A4GALT: variants seen among roughly 807,000 people sequenced by gnomAD.
A4GALT encodes the protein lactosylceramide 4-alpha-galactosyltransferase.
For synonymous variants in A4GALT, 257 were observed against 220.7 expected, an observed-to-expected ratio of 1.16 and a Z score of -1.46; for missense variants, 512 against 486.0, an observed-to-expected ratio of 1.05 and a Z score of -0.50.
intron 1 of A4GALT, among the ~76,000 whole-genome samples, chr22:42,710,349 C>T (rs879558170): frequency 1.5e-4 from 23 of 152,052 alleles, no homozygotes; most frequent in East Asian, 7.7e-4. Context: ...GAGAAGACCC[C>T]GCTTACAACA....
In A4GALT at chr22:42,713,069, A is replaced by G. The variant is rs80071687; in HGVS notation, c.-188+7728T>C. Among the ~76,000 whole-genome samples, 162 of 152,220 alleles carry G rather than the reference A, an allele frequency of 1.1e-3. 3 individuals carry two copies. In the East Asian group the frequency reaches 0.016, roughly 15 times the overall value. On this transcript the variant is annotated intron_variant, in intron 1 of 2. Coordinates refer to ENST00000642412, the MANE Select transcript of A4GALT (RefSeq NM_017436.7). ...CACCCTGCTCTGTAGCCTCCCCCTC[A>G]ATTCTAAGCCTCAGTTTCTTCATCT... is the stretch of plus-strand genomic sequence containing the variant.
At chr22:42,694,969 T>C (rs1930821682) in intron 2 of A4GALT, 1 of 151,208 alleles carries the variant, frequency 6.6e-6, no homozygotes, top group African/African-American at 2.4e-5. Context: ...GATGAGGAAA[T>C]TGAGGCACAG....
intron 1 of A4GALT, among the ~76,000 whole-genome samples, chr22:42,696,158 C>G (rs376738909): frequency 1.1e-4 from 16 of 141,730 alleles, no homozygotes; most frequent in Non-Finnish European, 1.7e-4. Flanking sequence ...CGGTAGCTCA[C>G]GCCTGTAATC....
intron 1 of A4GALT, among the ~76,000 whole-genome samples, chr22:42,719,544 T>C (rs1037344429): frequency 2.0e-5 from 3 of 152,162 alleles, no homozygotes; most frequent in African/African-American, 7.2e-5. Context: ...TGTATTCCTT[T>C]GATTTGGGGA....
rs1213031870 is a variant in A4GALT at position 42,692,770 on chromosome 22, C to G, written c.*120G>C. The stretch of plus-strand genomic sequence containing the variant: ...GCCTGCTCCCACAGCTCCTCAACAG[C>G]CTGCCTAAGCCCGGTGGCAGCTCGG... On this transcript the variant is annotated 3_prime_UTR_variant, in exon 3 of 3. Transcript: ENST00000642412. The surrounding 1 kb of genome is among the most constrained non-coding windows in gnomAD (Gnocchi z 4.6). 5.0e-6 allele frequency: 6 copies of G among 1,207,290 alleles called. No individual in the cohort carries two copies. The highest frequency in any genetic ancestry group is 7.1e-6 in the Non-Finnish European group (6 of 843,174). The allele number at this position is 1,207,290 out of a possible 1,614,324, so 74.8% of individuals were successfully genotyped here. A position where few individuals can be genotyped will look rare whatever the true frequency, so the allele number is the denominator to read the frequency against.
At chr22:42,710,082 A>G (rs1921545273) in intron 1 of A4GALT, among the ~76,000 whole-genome samples, 1 of 152,174 alleles carries the variant, frequency 6.6e-6, no homozygotes, top group Non-Finnish European at 1.5e-5. Context: ...ACAGTTTCAT[A>G]CCTGGGCACT....
At chr22:42,716,931 C>G (rs1922235702) in intron 1 of A4GALT, among the ~76,000 whole-genome samples, 1 of 152,250 alleles carries the variant, frequency 6.6e-6, no homozygotes, top group Admixed American at 6.5e-5. Context: ...GTTTCGCTCT[C>G]ATGTGCTGGT....
intron 1 of A4GALT, among the ~76,000 whole-genome samples, chr22:42,702,299 C>CA (rs112656818): frequency 0.031 from 4,669 of 151,344 alleles, 221 homozygotes; most frequent in African/African-American, 0.1. Flanking sequence ...CTTGTGTCCC[C>CA]CCCCGGAAAA....
At chr22:42,717,242 CAG>C (rs1922268297) in intron 1 of A4GALT, among the ~76,000 whole-genome samples, 1 of 152,184 alleles carries the variant, frequency 6.6e-6, no homozygotes, top group Non-Finnish European at 1.5e-5. Context: ...CTACAAGAAA[CAG>C]AGCCTCGGAG....
intron 1 of A4GALT, among the ~76,000 whole-genome samples, chr22:42,697,394 A>G (rs1036709231): frequency 1.2e-4 from 18 of 151,966 alleles, no homozygotes; most frequent in Admixed American, 2.0e-4. Context: ...TTTCTTCTGC[A>G]GGGAGAGGGG....
rs142233464 is a variant in A4GALT at position 42,700,055 on chromosome 22, G to A, written c.-187-4424C>T. The stretch of plus-strand genomic sequence containing the variant: ...CAGGGGCCTACACCAACACTGGCCC[G>A]CAGTGGGTCACTGGGGATGGGCTGC... On this transcript the variant is annotated intron_variant, in intron 1 of 2. Coordinates refer to ENST00000642412, the MANE Select transcript of A4GALT (RefSeq NM_017436.7). Among the ~76,000 whole-genome samples, 455 of 152,350 alleles carry A rather than the reference G, an allele frequency of 3.0e-3. 1 individual carries two copies. Among genetic ancestry groups the A allele is most frequent in the African/African-American group, 0.01 (429 of 41,586 alleles).
Position 42,693,708 on chromosome 22 carries a change from GGAA to G in A4GALT, c.241_243del (p.Phe81del), listed in dbSNP as rs387906279. The G allele has an allele frequency of 5.5e-5, 77 of 1,405,400 alleles. No individual in the cohort carries two copies. Among genetic ancestry groups the G allele is most frequent in the Middle Eastern group, 2.0e-4 (1 of 5,030 alleles). 87.1% of individuals were successfully genotyped at this position (1,405,400 alleles called of 1,614,324 possible). A position where few individuals can be genotyped will look rare whatever the true frequency, so the allele number is the denominator to read the frequency against. On this transcript the variant is annotated inframe_deletion, in exon 3 of 3. Coordinates refer to ENST00000642412, the MANE Select transcript of A4GALT (RefSeq NM_017436.7). ...GGGTTGGTCCGGTCTGAAGTCTCCA[GGAA>G]GAAGATGTTGCCTGGAGTGGGGCCG...
chr22:42,720,851 C>T lies in A4GALT; in HGVS notation c.-242G>A, dbSNP rs1922674533. On this transcript the variant is annotated 5_prime_UTR_variant, in exon 1 of 3. Transcript: ENST00000642412. The stretch of plus-strand genomic sequence containing the variant: ...CAGCGGGGCCCCGGCGGGCGGGCGG[C>T]GCGGCGGCCGGAGGGCAGTGCCTGG... 1 of 146,118 alleles carries T rather than the reference C, an allele frequency of 6.8e-6. No homozygotes were observed. Among genetic ancestry groups the T allele is most frequent in the Non-Finnish European group, 1.5e-5 (1 of 65,794 alleles). 9.1% of individuals were successfully genotyped at this position (146,118 alleles called of 1,614,324 possible). A position where few individuals can be genotyped will look rare whatever the true frequency, so the allele number is the denominator to read the frequency against.
chr22:42,712,953 C>A (rs868440719), intron 1 of A4GALT, among the ~76,000 whole-genome samples: 1 of 152,134 alleles, frequency 6.6e-6, no homozygotes, highest in Non-Finnish European at 1.5e-5. Context: ...CATTCTCCCC[C>A]CGCTCCCCCA....
chr22:42,710,696 C>T (rs906729320), intron 1 of A4GALT, among the ~76,000 whole-genome samples: 3 of 104,738 alleles, frequency 2.9e-5, no homozygotes, highest in Admixed American at 9.7e-5. Context: ...GACTCCAGCT[C>T]GAAATAAATA....
Position 42,693,596 on chromosome 22 carries a change from C to T in A4GALT, c.356G>A (p.Gly119Asp). Residue 119 changes from glycine to aspartate, a missense_variant, in exon 3 of 3, where the codon GGT (glycine) becomes GAT (aspartate). Physicochemically the swap from Gly to Asp is moderately conservative, Grantham distance 94 (BLOSUM62 -1). Coordinates refer to ENST00000642412, the MANE Select transcript of A4GALT (RefSeq NM_017436.7). ...HVLVLMKGLPGGNASLPRHLG... is the reference protein window; with the variant it reads ...HVLVLMKGLPDGNASLPRHLG... ...GTGCCGGGGCAGAGAGGCGTTGCCA[C>T]CCGGAAGCCCTTTCATCAGGACCAG... 1 of 1,613,612 alleles carries T rather than the reference C, an allele frequency of 6.2e-7. No individual in the cohort carries two copies. Among genetic ancestry groups the T allele is most frequent in the South Asian group, 1.1e-5 (1 of 91,062 alleles).
In A4GALT at chr22:42,717,244, G is replaced by C. The variant is rs1352932870; in HGVS notation, c.-188+3553C>G. 3.9e-5 allele frequency among the ~76,000 whole-genome samples: 6 copies of C among 152,162 alleles called. No individual in the cohort carries two copies. In the East Asian group the frequency reaches 1.2e-3, roughly 29 times the overall value. On this transcript the variant is annotated intron_variant, in intron 1 of 2. Coordinates refer to ENST00000642412, the MANE Select transcript of A4GALT (RefSeq NM_017436.7). ...CACTTCCTGATAGCTACAAGAAACA[G>C]AGCCTCGGAGAGAAGAGCAATTCCC... is the stretch of plus-strand genomic sequence containing the variant.
intron 1 of A4GALT, among the ~76,000 whole-genome samples, chr22:42,719,501 T>A (rs905738302): frequency 8.4e-6 from 1 of 119,096 alleles, no homozygotes; most frequent in Admixed American, 8.8e-5. Flanking sequence ...ATCTCTCCTC[T>A]TCCTTTCTTT....
chr22:42,693,689 G>A lies in A4GALT; in HGVS notation c.263C>T (p.Thr88Ile), dbSNP rs535098395. Residue 88 changes from threonine to isoleucine, a missense_variant, in exon 3 of 3, where the codon ACC (threonine) becomes ATC (isoleucine). Coordinates refer to ENST00000642412, the MANE Select transcript of A4GALT (RefSeq NM_017436.7). ...GCACATGAACAGGAAGTTGGGGTTGGTCCGGTCTGAAGTCTCCAGGAAGAA... is the reference window on the plus strand; with the variant it reads ...GCACATGAACAGGAAGTTGGGGTTGATCCGGTCTGAAGTCTCCAGGAAGAA... ...NIFFLETSDR[T>I]NPNFLFMCSV... 4 of 1,610,570 alleles carry A rather than the reference G, an allele frequency of 2.5e-6. No homozygotes were observed. Among genetic ancestry groups the A allele is most frequent in the Non-Finnish European group, 3.4e-6 (4 of 1,179,556 alleles).
Sources: gnomAD v4.1 joint callset for allele counts (sites outside exome capture counted in the v4.1 genomes callset) on GRCh38, gnomAD v4.1.1 for gene constraint, Gnocchi (gnomAD v3.1) non-coding constraint, MANE v1.5 for transcripts, NCBI Gene and HGNC (gene_info 2026-07-23, HGNC 2026-07-21) for gene names.